The following CTNNA3 variants were observed in gnomAD, a reference collection of about 807,000 sequenced individuals.
The protein encoded by CTNNA3 is catenin alpha 3, also known as catenin alpha-3.
Under a neutral mutation model 95.7 loss-of-function variants are expected in CTNNA3, and 76 were observed. The observed-to-expected ratio is 0.79, with a 90% confidence interval of 0.66 to 0.96. The LOEUF is 0.96. CTNNA3 is among the 40% of genes least tolerant of loss of function. CTNNA3 has a pLI of 0.00. For synonymous variants in CTNNA3, 431 were observed against 374.4 expected (o/e 1.15, Z -1.74); for missense variants, 1,191 against 1,089.8 (o/e 1.09, Z -1.31).
intron 7 of CTNNA3, among the ~76,000 whole-genome samples, chr10:66,864,122 C>G (rs1258354689): frequency 1.3e-5 from 2 of 152,060 alleles, no homozygotes; most frequent in African/African-American, 4.8e-5. Flanking sequence ...ATCTAATAGG[C>G]AGATAGCTCA....
intron 9 of CTNNA3, among the ~76,000 whole-genome samples, chr10:66,662,931 C>T (rs1258376992): frequency 6.6e-6 from 1 of 152,008 alleles, no homozygotes; most frequent in East Asian, 1.9e-4. Context: ...TGTTTACCTA[C>T]TTACTACTTT....
At chr10:65,996,729 G>C (rs1051257555) in intron 15 of CTNNA3, among the ~76,000 whole-genome samples, 1 of 152,070 alleles carries the variant, frequency 6.6e-6, no homozygotes, top group Non-Finnish European at 1.5e-5. Context: ...TGGACTGCTG[G>C]GGCATATACC....
chr10:66,621,778 T>C lies in CTNNA3; in HGVS notation c.1288A>G (p.Asn430Asp). Residue 430 changes from asparagine to aspartate, a missense_variant, in exon 10 of 18, where the codon AAT becomes GAT. Coordinates refer to ENST00000433211, the MANE Select transcript of CTNNA3 (RefSeq NM_013266.4). ...EHTSRLVEVA[N>D]LACSMSTNED... ...TTTGTTGACATGGAACAAGCAAGAT[T>C]TGCCACCTTAAATACAATCCAAAAT... 1 of 1,603,310 alleles carries C rather than the reference T, an allele frequency of 6.2e-7. No individual in the cohort carries two copies. The highest frequency in any genetic ancestry group is 1.3e-5 in the African/African-American group (1 of 74,496).
intron 11 of CTNNA3, among the ~76,000 whole-genome samples, chr10:66,397,183 GAT>G (rs1255534468): frequency 6.6e-6 from 1 of 151,304 alleles, no homozygotes; most frequent in African/African-American, 2.4e-5. Flanking sequence ...TTAAAGCATT[GAT>G]ATATTTTCCA....
chr10:66,822,164 T>TTATATTA (rs1379846050), intron 7 of CTNNA3, among the ~76,000 whole-genome samples: 1 of 150,306 alleles, frequency 6.7e-6, no homozygotes, highest in Admixed American at 6.6e-5. Context: ...TGTAATATGT[T>TTATATTA]TATATTATAT....
chr10:66,773,744 C>G (rs1840187121), intron 8 of CTNNA3, among the ~76,000 whole-genome samples: 1 of 152,160 alleles, frequency 6.6e-6, no homozygotes. Flanking sequence ...AATGTTAATA[C>G]CTTCAGAGCA....
intron 11 of CTNNA3, among the ~76,000 whole-genome samples, chr10:66,422,935 T>C (rs1354112362): frequency 6.6e-6 from 1 of 151,926 alleles, no homozygotes; most frequent in African/African-American, 2.4e-5. Context: ...CAGCCAAATT[T>C]CATTTTTAAA....
upstream of CTNNA3, among the ~76,000 whole-genome samples, chr10:67,697,813 T>A (rs1840996233): frequency 6.6e-6 from 1 of 152,162 alleles, no homozygotes; most frequent in Non-Finnish European, 1.5e-5. Flanking sequence ...CTGAAGTATT[T>A]CCCACTATAG....
intron 13 of CTNNA3, among the ~76,000 whole-genome samples, chr10:66,134,548 G>T (rs2083264201): frequency 6.6e-6 from 1 of 152,066 alleles, no homozygotes; most frequent in African/African-American, 2.4e-5. Context: ...ACAAGTATAA[G>T]AATATATAGG....
In CTNNA3 at chr10:67,476,697, T is replaced by G. The variant is rs376930701; in HGVS notation, c.579+45145A>C. On this transcript the variant is annotated intron_variant, in intron 5 of 17. Coordinates refer to ENST00000433211, the MANE Select transcript of CTNNA3 (RefSeq NM_013266.4). ...ATCTCCAGGTGTTTGGAGAACCCAC[T>G]CACCCAGATCAACAGCCTGAGCCAC... Among the ~76,000 whole-genome samples, 27 of 151,466 alleles carry G rather than the reference T, an allele frequency of 1.8e-4. No individual in the cohort carries two copies. The East Asian group carries it at 4.9e-3, about 28-fold the overall frequency.
intron 5 of CTNNA3, among the ~76,000 whole-genome samples, chr10:67,344,537 C>T (rs1345820984): frequency 3.3e-5 from 5 of 152,008 alleles, no homozygotes; most frequent in Admixed American, 6.6e-5. Context: ...TGGTATTGAT[C>T]TGTTCAGGTT....
At chr10:67,762,193 AAAAAAAAAAAG>A (rs898685178) in intron 1 of CTNNA3, among the ~76,000 whole-genome samples, 2 of 126,606 alleles carry the variant, frequency 1.6e-5, no homozygotes, top group Admixed American at 9.0e-5. Context: ...GCCAAAAAAA[AAAAAAAAAAAG>A]ATTATTTCAC....
intron 9 of CTNNA3, among the ~76,000 whole-genome samples, chr10:66,683,017 A>C (rs1847122611): frequency 6.6e-6 from 1 of 152,130 alleles, no homozygotes; most frequent in Admixed American, 6.5e-5. Flanking sequence ...TTGTACATAA[A>C]TGTTAGTGAC....
intron 5 of CTNNA3, among the ~76,000 whole-genome samples, chr10:67,507,800 G>A (rs1839475675): frequency 6.6e-6 from 1 of 152,258 alleles, no homozygotes; most frequent in African/African-American, 2.4e-5. Context: ...TATTCCTGAT[G>A]CACAAACATG....
chr10:67,034,924 T>C (rs1446782055), intron 7 of CTNNA3, among the ~76,000 whole-genome samples: 1 of 152,226 alleles, frequency 6.6e-6, no homozygotes. Flanking sequence ...ATGCTATTTC[T>C]TCTGGCCTTC....
At chr10:66,327,236 T>G (rs1453121236) in intron 12 of CTNNA3, among the ~76,000 whole-genome samples, 1 of 152,066 alleles carries the variant, frequency 6.6e-6, no homozygotes, top group Non-Finnish European at 1.5e-5. Flanking sequence ...CCAGCAACTG[T>G]GAATGTTCAA....
chr10:67,174,165 C>G (rs574551852), intron 7 of CTNNA3, among the ~76,000 whole-genome samples: 1 of 152,142 alleles, frequency 6.6e-6, no homozygotes, highest in South Asian at 2.1e-4. Flanking sequence ...GATTAGTTTC[C>G]CTTTTATTAA....
chr10:67,196,187 C>T (rs12570618), intron 6 of CTNNA3, among the ~76,000 whole-genome samples: 55,611 of 151,838 alleles, frequency 0.37, 14,586 homozygotes, highest in African/African-American at 0.75. Flanking sequence ...AGTATATTTC[C>T]TGTTTTAATG....
At chr10:67,352,155 C>A (rs978655050) in intron 5 of CTNNA3, among the ~76,000 whole-genome samples, 1 of 151,874 alleles carries the variant, frequency 6.6e-6, no homozygotes, top group African/African-American at 2.4e-5. Context: ...GAAGTGTGAT[C>A]GGGTACGGGG....
Sources: allele counts gnomAD v4.1 joint callset (sites outside exome capture counted in the v4.1 genomes callset), GRCh38; gene constraint gnomAD v4.1.1; transcripts MANE v1.5; gene names NCBI Gene and HGNC (gene_info 2026-07-23, HGNC 2026-07-21).